The following IL12RB1 variants were observed in gnomAD, a reference collection of about 807,000 sequenced individuals.
The protein encoded by IL12RB1 is interleukin 12 receptor subunit beta 1.
A neutral mutation model predicts 94.4 loss-of-function variants in IL12RB1; 64 were observed. That is an observed-to-expected ratio of 0.68 (90% CI 0.55 to 0.83). The LOEUF is 0.83. IL12RB1 is among the 40% of genes least tolerant of loss of function. The pLI is 0.00. For missense variants in IL12RB1, 814 were observed against 855.6 expected, an observed-to-expected ratio of 0.95 and a Z score of 0.61; for synonymous variants, 362 against 355.5, an observed-to-expected ratio of 1.02 and a Z score of -0.21.
At chr19:18,077,492 C>G (rs1279766108) in intron 5 of IL12RB1, 24 bp downstream of exon 5, 1 of 1,593,304 alleles carries the variant, frequency 6.3e-7, no homozygotes, top group Non-Finnish European at 8.6e-7. Context: ...CCGTGTCCAC[C>G]CTGGACTTGG....
At chr19:18,087,023 CGTG>C (rs2036396272), upstream of IL12RB1, 2 of 1,170,078 alleles carry the variant, frequency 1.7e-6, no homozygotes, top group African/African-American at 1.5e-5. Flanking sequence ...AAGTCAGCTC[CGTG>C]GTGGTGGTGA....
In IL12RB1 at chr19:18,066,780, A is replaced by G. The variant is rs574138432; in HGVS notation, c.1328-83T>C. The G allele has an allele frequency of 3.0e-5, 33 of 1,112,512 alleles. No homozygotes were observed. In the African/African-American group the frequency reaches 4.6e-4, roughly 15 times the overall value. 68.9% of individuals were successfully genotyped at this position (1,112,512 alleles called of 1,614,324 possible). On this transcript the variant is annotated intron_variant, in intron 11 of 16. Transcript: ENST00000593993. ...AGTGGCTCGCACCTGTAATCCCAGC[A>G]CTTTGGGAGGCCGAGGTGGGTAAGT...
At chr19:18,066,453 G>A (rs1005696293) in intron 12 of IL12RB1, 89 bp downstream of exon 12, 35 of 930,310 alleles carry the variant, frequency 3.8e-5, no homozygotes, top group East Asian at 7.4e-5. Flanking sequence ...AGAGAAGGAC[G>A]GCAAGGTGCC....
chr19:18,095,417 G>A (rs1360951920), intron 1 of IL12RB1, among the ~76,000 whole-genome samples: 1 of 152,148 alleles, frequency 6.6e-6, no homozygotes, highest in East Asian at 1.9e-4. Flanking sequence ...GCTGAACGAA[G>A]CCAGACACAT....
At position 18,059,578 on chromosome 19, in the gene IL12RB1, G is replaced by A. The variant is rs188415514; in HGVS notation, c.*30C>T. The A allele has an allele frequency of 1.4e-3, 1,092 of 780,064 alleles. 2 individuals carry two copies. Among genetic ancestry groups the A allele is most frequent in the Middle Eastern group, 4.3e-3 (19 of 4,442 alleles). 48.3% of individuals were successfully genotyped at this position (780,064 alleles called of 1,614,324 possible). Reference sequence around the variant, plus strand: ...CTGTGTGTGCTACGTAGCCTCGGGCGAGTCACTCACCCTCTCTGAGCCTCA... The same window carrying A: ...CTGTGTGTGCTACGTAGCCTCGGGCAAGTCACTCACCCTCTCTGAGCCTCA... On this transcript the variant is annotated 3_prime_UTR_variant, in exon 17 of 17. Transcript: ENST00000593993.
chr19:18,066,762 C>A, intron 11 of IL12RB1, 65 bp from the exon 12 acceptor site: 2 of 1,376,638 alleles, frequency 1.5e-6, no homozygotes, highest in Non-Finnish European at 1.0e-6. Context: ...CACAGTGGCT[C>A]GCACCTGTAA....
chr19:18,060,250 G>C (rs2034026405), intron 15 of IL12RB1, among the ~76,000 whole-genome samples, 165 bp from the exon 16 acceptor site: 1 of 152,128 alleles, frequency 6.6e-6, no homozygotes, highest in African/African-American at 2.4e-5. Context: ...AGGCTGAGGC[G>C]GGTGGATCAC....
At chr19:18,087,374 T>C (rs2036415937), upstream of IL12RB1, among the ~76,000 whole-genome samples, 1 of 151,980 alleles carries the variant, frequency 6.6e-6, no homozygotes, top group Non-Finnish European at 1.5e-5. Context: ...AACATCGAGC[T>C]AATTTTTGTA....
intron 8 of IL12RB1, among the ~76,000 whole-genome samples, chr19:18,073,251 C>T (rs1383748556): frequency 6.6e-6 from 1 of 152,106 alleles, no homozygotes; most frequent in Admixed American, 6.6e-5. Flanking sequence ...GGCCTTCTGG[C>T]TTCTGTGCAA....
In IL12RB1 at chr19:18,072,286, G is replaced by A. The variant is rs373643598; in HGVS notation, c.847C>T (p.Arg283Ter). Residue 283 changes from arginine (R) to a stop codon, truncating the protein, a stop_gained, in exon 9 of 17, where the codon CGA becomes TGA. Coordinates refer to ENST00000593993, the MANE Select transcript of IL12RB1 (RefSeq NM_005535.3). LOFTEE classifies it high-confidence loss of function. ...GLAPGTEVTY[R>*]LQLHMLSCPC... The stretch of plus-strand genomic sequence containing the variant: ...CAGGACAGCATGTGGAGCTGTAGTC[G>A]GTAAGTGACCTCCGTGCCAGGCGCC... 5 of 1,614,038 alleles carry A rather than the reference G, an allele frequency of 3.1e-6. No individual in the cohort carries two copies. Among genetic ancestry groups the A allele is most frequent in the East Asian group, 2.2e-5 (1 of 44,866 alleles).
intron 4 of IL12RB1, among the ~76,000 whole-genome samples, chr19:18,078,282 C>T (rs2035629392): frequency 6.6e-6 from 1 of 152,060 alleles, no homozygotes; most frequent in African/African-American, 2.4e-5. Context: ...TGGTGGGCAC[C>T]TGTAATCCCA....
rs145338585 is a variant in IL12RB1, at chr19:18,097,126, G to A, written c.-230+1629C>T. 7.4e-3 allele frequency among the ~76,000 whole-genome samples: 1,130 copies of A among 152,102 alleles called. 16 individuals carry two copies. The highest frequency in any genetic ancestry group is 0.025 in the African/African-American group (1,032 of 41,480). ...TTGCACAGGGGTGAGATCCTCACTC[G>A]CCTCACCCTAGAACCCGTTCTGCTG... On this transcript the variant is annotated intron_variant, in intron 1 of 4. Transcript: ENST00000594176.
chr19:18,061,306 C>T, intron 14 of IL12RB1, 109 bp from the exon 15 acceptor site: 1 of 598,964 alleles, frequency 1.7e-6, no homozygotes, highest in East Asian at 2.9e-5. Context: ...TCTCGGCTCA[C>T]TGCAACCTCT....
At chr19:18,062,126 T>C in intron 14 of IL12RB1, 55 bp downstream of exon 14, 1 of 1,216,082 alleles carries the variant, frequency 8.2e-7, no homozygotes. Flanking sequence ...ACTTTAGGGC[T>C]CCCCTGCCCA....
chr19:18,083,134 G>A (rs537736466), intron 2 of IL12RB1: 27 of 551,794 alleles, frequency 4.9e-5, no homozygotes, highest in South Asian at 3.5e-4. Context: ...GTTGGGGGGG[G>A]GGCTTCAAAA....
chr19:18,089,734 T>C (rs974787805), upstream of IL12RB1, among the ~76,000 whole-genome samples: 3 of 152,160 alleles, frequency 2.0e-5, no homozygotes, highest in African/African-American at 4.8e-5. Flanking sequence ...GGGTCTCTCC[T>C]GGGGATGAGC....
chr19:18,079,977 A>G (rs2035772489), intron 4 of IL12RB1, among the ~76,000 whole-genome samples: 2 of 152,124 alleles, frequency 1.3e-5, no homozygotes, highest in Non-Finnish European at 2.9e-5. Flanking sequence ...GGCTTACTTC[A>G]CTCAGCGTAA....
rs57327846 is a variant in IL12RB1, at chr19:18,067,326, GAAAAAAAA to G, written c.1328-637_1328-630del. Among the ~76,000 whole-genome samples, 13 of 82,598 alleles carry G rather than the reference GAAAAAAAA, an allele frequency of 1.6e-4. No homozygotes were observed. The South Asian group carries it at 2.7e-3, about 17-fold the overall frequency. 54.2% of individuals were successfully genotyped at this position (82,598 alleles called of 152,430 possible). ...GCCACAGAGAGTGACTCTGTCTCAA[GAAAAAAAA>G]AAAAAAAAAAAAAAAAGGAGTGCTG... is the stretch of plus-strand genomic sequence containing the variant. On this transcript the variant is annotated intron_variant, in intron 11 of 16. Transcript: ENST00000593993.
At chr19:18,095,097 T>G (rs1220160537) in intron 1 of IL12RB1, among the ~76,000 whole-genome samples, 3 of 151,032 alleles carry the variant, frequency 2.0e-5, no homozygotes, top group African/African-American at 7.3e-5. Flanking sequence ...GAGAATCAAT[T>G]GAACCTGGGA....
Sources: gnomAD v4.1 joint callset for allele counts (sites outside exome capture counted in the v4.1 genomes callset) on GRCh38, gnomAD v4.1.1 for gene constraint, MANE v1.5 for transcripts, NCBI Gene and HGNC (gene_info 2026-07-23, HGNC 2026-07-21) for gene names.